Variants in STEAP3 observed in about 807,000 individuals in gnomAD.
STEAP3 encodes metalloreductase STEAP3.
In STEAP3, 35 loss-of-function variants were observed where a neutral mutation model predicts 34.9. The observed-to-expected ratio is 1.00, with a 90% CI of 0.76 to 1.33. The LOEUF (loss-of-function observed/expected upper bound fraction) is 1.33, where lower values mean the gene tolerates loss of function less well. Ranked by LOEUF, STEAP3 falls within the 40% of genes most tolerant of loss-of-function variation. The pLI is 0.00. For synonymous variants in STEAP3, 281 were observed against 301.6 expected (o/e 0.93, Z 0.71); for missense variants, 652 against 667.6 (o/e 0.98, Z 0.26).
chr2:119,240,848 G>A (rs982984336), intron 2 of STEAP3, among the ~76,000 whole-genome samples: 1 of 152,168 alleles, frequency 6.6e-6, no homozygotes, highest in Non-Finnish European at 1.5e-5. Flanking sequence ...CCAGGGCCCA[G>A]ACAGGGTTAG....
At chr2:119,230,211 C>T (rs939755680) in intron 1 of STEAP3, among the ~76,000 whole-genome samples, 1 of 152,194 alleles carries the variant, frequency 6.6e-6, no homozygotes, top group Non-Finnish European at 1.5e-5. Context: ...CAAAAGCTTC[C>T]AAACCTCCAG....
chr2:119,228,505 C>T (rs1679112610), intron 1 of STEAP3, among the ~76,000 whole-genome samples: 1 of 152,184 alleles, frequency 6.6e-6, no homozygotes, highest in African/African-American at 2.4e-5. Flanking sequence ...GACACCAGGC[C>T]CTCTGGAGAT....
chr2:119,241,502 T>C (rs1003735779), intron 2 of STEAP3, among the ~76,000 whole-genome samples: 5 of 152,244 alleles, frequency 3.3e-5, no homozygotes, highest in African/African-American at 1.2e-4. Flanking sequence ...TTTGCATTTA[T>C]CCTACCGCTG....
At chr2:119,224,141 G>A (rs547046103) in intron 1 of STEAP3, among the ~76,000 whole-genome samples, 3 of 152,326 alleles carry the variant, frequency 2.0e-5, no homozygotes, top group East Asian at 3.9e-4. Flanking sequence ...AGGCAGGGCC[G>A]GCGGCGACAG....
chr2:119,224,324 C>G (rs1389576587), intron 1 of STEAP3, among the ~76,000 whole-genome samples: 2 of 152,200 alleles, frequency 1.3e-5, no homozygotes, highest in African/African-American at 4.8e-5. Flanking sequence ...GCCAGACCTC[C>G]CAGTCCCTTC....
intron 3 of STEAP3, 81 bp from the exon 4 acceptor site, chr2:119,247,598 G>T (rs1044423627): frequency 2.8e-6 from 4 of 1,432,772 alleles, no homozygotes; most frequent in Admixed American, 5.4e-5. Context: ...TCTGGCCCTC[G>T]GTTTCCTCAG....
chr2:119,230,008 G>A (rs1054550705), intron 1 of STEAP3, among the ~76,000 whole-genome samples: 3 of 152,148 alleles, frequency 2.0e-5, no homozygotes, highest in Non-Finnish European at 2.9e-5. Flanking sequence ...GATGATAGGG[G>A]AAACCTGCCC....
chr2:119,224,916 A>C (rs1399477007), intron 1 of STEAP3, among the ~76,000 whole-genome samples: 2 of 152,216 alleles, frequency 1.3e-5, no homozygotes, highest in African/African-American at 4.8e-5. Context: ...CAGAGAGTCC[A>C]CGTATTTTGC....
chr2:119,241,743 A>G (rs1677253411), intron 2 of STEAP3, among the ~76,000 whole-genome samples: 2 of 152,214 alleles, frequency 1.3e-5, no homozygotes, highest in South Asian at 4.1e-4. Context: ...GCAGATGCCA[A>G]GTCAGGTTCT....
intron 1 of STEAP3, among the ~76,000 whole-genome samples, chr2:119,228,143 A>G (rs1349816819): frequency 2.0e-5 from 3 of 152,260 alleles, no homozygotes; most frequent in Admixed American, 1.3e-4. Context: ...TCCCATTTCT[A>G]TAAGCATCCG....
At chr2:119,227,409 C>T (rs1679074476) in intron 1 of STEAP3, among the ~76,000 whole-genome samples, 1 of 152,216 alleles carries the variant, frequency 6.6e-6, no homozygotes, top group African/African-American at 2.4e-5. Context: ...ATTGCTTCAG[C>T]ACCGTAAGAA....
chr2:119,262,008 C>T (rs896149465), intron 5 of STEAP3, among the ~76,000 whole-genome samples: 7 of 152,160 alleles, frequency 4.6e-5, no homozygotes, highest in East Asian at 1.9e-4. Flanking sequence ...GGTTTCCACC[C>T]GGGTTGTTTA....
chr2:119,252,221 C>T lies in STEAP3; in HGVS notation c.1051-2463C>T, dbSNP rs1012866689. Among the ~76,000 whole-genome samples, 42 of 152,214 alleles carry T rather than the reference C, an allele frequency of 2.8e-4. 1 individual carries two copies. The highest frequency in any genetic ancestry group is 9.8e-4 in the Admixed American group (15 of 15,282). ...TGTTCCATGCTACTCATTCCACAAA[C>T]GTAATGCTTTTAGTCCTGCAGTAAC... On this transcript the variant is annotated intron_variant, in intron 4 of 5. Coordinates refer to ENST00000393110, the MANE Select transcript of STEAP3 (RefSeq NM_182915.3).
At chr2:119,226,971 C>T (rs1679060380) in intron 1 of STEAP3, among the ~76,000 whole-genome samples, 1 of 152,186 alleles carries the variant, frequency 6.6e-6, no homozygotes, top group Non-Finnish European at 1.5e-5. Context: ...CTAACTGCCA[C>T]ATTCTCCTGT....
At chr2:119,251,304 C>T (rs1365707822) in intron 4 of STEAP3, among the ~76,000 whole-genome samples, 1 of 152,230 alleles carries the variant, frequency 6.6e-6, no homozygotes. Context: ...GCACAAGAAA[C>T]TCCTCCAAGA....
chr2:119,229,442 T>G (rs1244993020), intron 1 of STEAP3, among the ~76,000 whole-genome samples: 1 of 152,132 alleles, frequency 6.6e-6, no homozygotes, highest in African/African-American at 2.4e-5. Flanking sequence ...CCACGTGCAG[T>G]GAGTGGCCAC....
Position 119,247,681 on chromosome 2 carries a change from G to T in STEAP3, c.525G>T (p.Val175=). The part of the protein sequence containing the change: ...QAGPRDGNRQ[V]PICGDQPEAK... Reference sequence around the variant, plus strand: ...ACTGCCCCACTTTTCTCCCGCAGGTGCCCATCTGCGGTGACCAGCCAGAAG... The same window carrying T: ...ACTGCCCCACTTTTCTCCCGCAGGTTCCCATCTGCGGTGACCAGCCAGAAG... Residue 175 remains valine (V), a splice_region_variant and synonymous_variant, in exon 4 of 6, where the codon GTG becomes GTT. Coordinates refer to ENST00000393110, the MANE Select transcript of STEAP3 (RefSeq NM_182915.3). The T allele has an allele frequency of 6.6e-7, 1 of 1,519,604 alleles. No homozygotes were observed. The allele number at this position is 1,519,604 out of a possible 1,614,324, so 94.1% of individuals were successfully genotyped here.
At chr2:119,235,488 C>T (rs1677068934) in intron 2 of STEAP3, among the ~76,000 whole-genome samples, 3 of 152,242 alleles carry the variant, frequency 2.0e-5, no homozygotes, top group Admixed American at 2.0e-4. Flanking sequence ...GTCCACAGCC[C>T]TTTCCTGAGC....
rs1452327790 is a variant in STEAP3 at position 119,265,019 on chromosome 2, T to C, written c.*1681T>C. On this transcript the variant is annotated 3_prime_UTR_variant, in exon 6 of 6. Transcript: ENST00000393110. Reference sequence around the variant, plus strand: ...AACTTGTCTCATAAATTGGCACTGATGGAGCATCAGCTGTGGCCCACAGAG... The same window carrying C: ...AACTTGTCTCATAAATTGGCACTGACGGAGCATCAGCTGTGGCCCACAGAG... 1 of 152,214 alleles carries C rather than the reference T, an allele frequency of 6.6e-6. No individual in the cohort carries two copies. Among genetic ancestry groups the C allele is most frequent in the Non-Finnish European group, 1.5e-5 (1 of 68,046 alleles). 9.4% of individuals were successfully genotyped at this position (152,214 alleles called of 1,614,324 possible).
Sources: allele counts gnomAD v4.1 joint callset (sites outside exome capture counted in the v4.1 genomes callset), GRCh38; gene constraint gnomAD v4.1.1; transcripts MANE v1.5; gene names NCBI Gene and HGNC (gene_info 2026-07-23, HGNC 2026-07-21).